The following GRK7 variants were observed in gnomAD, a reference collection of about 807,000 sequenced individuals.
GRK7 encodes the protein G protein-coupled receptor kinase 7, also known as rhodopsin kinase GRK7.
In GRK7, 24 loss-of-function variants were observed where a neutral mutation model predicts 34.1. The ratio of observed to expected loss-of-function variants is 0.70; its 90% CI spans 0.51 to 0.99. The LOEUF (loss-of-function observed/expected upper bound fraction) is 0.99. GRK7 is among the 50% of genes least tolerant of loss of function. GRK7 has a pLI of 0.00. For missense variants in GRK7, 644 were observed against 707.3 expected, an observed-to-expected ratio of 0.91 and a Z score of 1.02; for synonymous variants, 256 against 279.4, an observed-to-expected ratio of 0.92 and a Z score of 0.84.
At chr3:141,807,592 C>A in intron 4 of GRK7, 53 bp from the exon 5 acceptor site, 1 of 1,502,814 alleles carries the variant, frequency 6.7e-7, no homozygotes, top group South Asian at 1.2e-5. Flanking sequence ...CTGCTACACT[C>A]ACCTTAGTGT....
chr3:141,783,758 G>A (rs1167288217), intron 4 of GRK7, among the ~76,000 whole-genome samples: 1 of 152,182 alleles, frequency 6.6e-6, no homozygotes, highest in African/African-American at 2.4e-5. Context: ...AGCCAGCAGA[G>A]TAGGTGTTGA....
chr3:141,773,843 C>T (rs114840374), intron 1 of GRK7, among the ~76,000 whole-genome samples: 3,405 of 152,282 alleles, frequency 0.022, 113 homozygotes, highest in African/African-American at 0.078. Context: ...GAAACTAAGG[C>T]TCAGAGAAGT....
At chr3:141,784,897 G>A (rs2084688237) in intron 4 of GRK7, among the ~76,000 whole-genome samples, 1 of 152,132 alleles carries the variant, frequency 6.6e-6, no homozygotes, top group Admixed American at 6.6e-5. Flanking sequence ...GGAAATGGTA[G>A]CTTTATAAGA....
rs779397723 is a variant in GRK7, at chr3:141,778,608, G to C, written c.324G>C (p.Gly108=). 2.4e-5 allele frequency: 39 copies of C among 1,612,346 alleles called. No individual in the cohort carries two copies. The highest frequency in any genetic ancestry group is 6.7e-5 in the Admixed American group (4 of 59,962). Residue 108 remains glycine, a synonymous_variant, in exon 3 of 6, where the codon GGG becomes GGC. Coordinates refer to ENST00000682958, the MANE Select transcript of GRK7 (RefSeq NM_139209.3). The surrounding 1 kb of genome is among the most constrained non-coding windows in gnomAD (Gnocchi z 4.1). Reference sequence around the variant, plus strand: ...CCACCAAAGACAGCGCGCTGCAGGGGCTGGTGGCCACTTGTGCGAGTGCCC... The same window carrying C: ...CCACCAAAGACAGCGCGCTGCAGGGCCTGGTGGCCACTTGTGCGAGTGCCC... The part of the protein sequence containing the change: ...EGPTKDSALQ[G]LVATCASAPA...
chr3:141,782,722 G>A (rs986152549), intron 4 of GRK7, among the ~76,000 whole-genome samples: 7 of 151,688 alleles, frequency 4.6e-5, no homozygotes, highest in Non-Finnish European at 1.0e-4. Context: ...GGAGAATGAC[G>A]TCAACCCAGG....
In GRK7 at chr3:141,817,625, T is replaced by C. The variant is rs1346271210; in HGVS notation, c.*575T>C. The C allele has an allele frequency of 1.3e-5, 2 of 152,232 alleles. No individual in the cohort carries two copies. The highest frequency in any genetic ancestry group is 6.5e-5 in the Admixed American group (1 of 15,278). 9.4% of individuals were successfully genotyped at this position (152,232 alleles called of 1,614,324 possible). ...TTCTTTTGCAATTTTGTGGAAATAATTTACTATCATAATGTTGAAGCATTT... is the reference window on the plus strand; with the variant it reads ...TTCTTTTGCAATTTTGTGGAAATAACTTACTATCATAATGTTGAAGCATTT... On this transcript the variant is annotated 3_prime_UTR_variant, in exon 6 of 6. Transcript: ENST00000682958.
chr3:141,815,699 C>CTGTGTG (rs61336912), intron 5 of GRK7, among the ~76,000 whole-genome samples: 52,018 of 145,782 alleles, frequency 0.36, 9,858 homozygotes, highest in Middle Eastern at 0.54. Context: ...CTATTTTGAG[C>CTGTGTG]TGTGTGTGTG....
intron 4 of GRK7, among the ~76,000 whole-genome samples, chr3:141,802,149 C>A (rs1710975095): frequency 6.6e-6 from 1 of 151,776 alleles, no homozygotes; most frequent in South Asian, 2.1e-4. Context: ...CAGGAGGATC[C>A]CAGAACTAGC....
chr3:141,778,151 C>T lies in GRK7; in HGVS notation c.-113-21C>T. Reference sequence around the variant, plus strand: ...TTACAAGAGAAACCTCTTTCACACCCTCCACGGGTCCCACCCACAGGCCAC... The same window carrying T: ...TTACAAGAGAAACCTCTTTCACACCTTCCACGGGTCCCACCCACAGGCCAC... On this transcript the variant is annotated intron_variant, in intron 2 of 5. Transcript: ENST00000682958. The surrounding 1 kb of genome is among the most constrained non-coding windows in gnomAD (Gnocchi z 4.1). 8.8e-7 allele frequency: 1 copy of T among 1,134,692 alleles called. No homozygotes were observed. Among genetic ancestry groups the T allele is most frequent in the Non-Finnish European group, 1.3e-6 (1 of 798,968 alleles). The allele number at this position is 1,134,692 out of a possible 1,614,324, so 70.3% of individuals were successfully genotyped here.
At chr3:141,805,482 T>A (rs898482228) in intron 4 of GRK7, among the ~76,000 whole-genome samples, 2 of 152,116 alleles carry the variant, frequency 1.3e-5, no homozygotes, top group Non-Finnish European at 2.9e-5. Flanking sequence ...AATGCAAAAC[T>A]GGACAAGACG....
chr3:141,789,040 C>T (rs1187803536), intron 4 of GRK7, among the ~76,000 whole-genome samples: 1 of 152,098 alleles, frequency 6.6e-6, no homozygotes, highest in African/African-American at 2.4e-5. Context: ...GTCTTGAACT[C>T]CTGGCCTCAT....
chr3:141,765,017 C>T lies in GRK7; in HGVS notation c.-936C>T, dbSNP rs943576445. The stretch of plus-strand genomic sequence containing the variant: ...GGTTTTTCTGTTTTAACCCTTGCCC[C>T]TTCTGTCTGTGATCCTGTTAAAATG... On this transcript the variant is annotated 5_prime_UTR_variant, in exon 1 of 6. Coordinates refer to ENST00000682958, the MANE Select transcript of GRK7 (RefSeq NM_139209.3). Among the ~76,000 whole-genome samples, 2 of 152,174 alleles carry T rather than the reference C, an allele frequency of 1.3e-5. No homozygotes were observed. Among genetic ancestry groups the T allele is most frequent in the African/African-American group, 4.8e-5 (2 of 41,428 alleles).
rs576035937 is a variant in GRK7, at chr3:141,808,545, T to A, written c.1325+626T>A. On this transcript the variant is annotated intron_variant, in intron 5 of 5. Transcript: ENST00000682958. ...CTGGCCAAGATGGTGAAACCCCATC[T>A]GTAATAAAACTACAAAAATTAGCCG... Among the ~76,000 whole-genome samples, 4 of 152,186 alleles carry A rather than the reference T, an allele frequency of 2.6e-5. No homozygotes were observed. In the South Asian group the frequency reaches 8.3e-4, roughly 32 times the overall value.
intron 4 of GRK7, among the ~76,000 whole-genome samples, chr3:141,790,485 G>C (rs184173778): frequency 6.6e-6 from 1 of 151,916 alleles, no homozygotes; most frequent in Non-Finnish European, 1.5e-5. Context: ...AGGGAATGAC[G>C]GCCATTAATA....
the GRK7 span, among the ~76,000 whole-genome samples, chr3:141,757,126 CTTCT>C: frequency 6.2e-4 from 57 of 92,594 alleles, no homozygotes; most frequent in Non-Finnish European, 9.3e-4. Context: ...CTTAGATCTT[CTTCT>C]TTTTTTTTTT....
intron 4 of GRK7, among the ~76,000 whole-genome samples, chr3:141,781,129 C>T (rs891502673): frequency 1.3e-5 from 2 of 152,104 alleles, no homozygotes; most frequent in South Asian, 4.1e-4. Flanking sequence ...ATAACCACCT[C>T]TATGGTGCTG....
intron 5 of GRK7, among the ~76,000 whole-genome samples, chr3:141,811,042 C>T (rs900799099): frequency 1.3e-5 from 2 of 152,166 alleles, no homozygotes; most frequent in East Asian, 1.9e-4. Context: ...TGGCCGGGCG[C>T]GGTGTCTCAT....
chr3:141,753,908 A>G, the GRK7 span, among the ~76,000 whole-genome samples: 8 of 152,364 alleles, frequency 5.3e-5, no homozygotes, highest in South Asian at 1.7e-3. Context: ...ATTTGGTTCC[A>G]AGAACAGATA....
At chr3:141,771,551 G>C (rs558006860) in intron 1 of GRK7, among the ~76,000 whole-genome samples, 76 of 152,056 alleles carry the variant, frequency 5.0e-4, no homozygotes, top group Admixed American at 1.3e-3. Flanking sequence ...AGGGTAAGAA[G>C]GTGGGAGCAG....
Sources: allele counts gnomAD v4.1 joint callset (sites outside exome capture counted in the v4.1 genomes callset), GRCh38; gene constraint gnomAD v4.1.1; non-coding constraint Gnocchi (gnomAD v3.1); transcripts MANE v1.5; gene names NCBI Gene and HGNC (gene_info 2026-07-23, HGNC 2026-07-21).